Variants in PASD1 observed in about 807,000 individuals in gnomAD.
PASD1 encodes the protein circadian clock protein PASD1.
A neutral mutation model predicts 58.8 loss-of-function variants in PASD1; 13 were observed. The observed-to-expected ratio is 0.22, with a 90% CI of 0.14 to 0.35. The LOEUF is 0.35. Among genes scored for constraint, PASD1 ranks in the 10% least tolerant of loss-of-function variants. The pLI is 1.00. For synonymous variants in PASD1, 236 were observed against 216.7 expected (o/e 1.09, Z -0.78); for missense variants, 734 against 568.3 (o/e 1.29, Z -2.96).
chrX:151,673,943 G>C lies in PASD1; in HGVS notation c.1932G>C (p.Ala644=), dbSNP rs755035565. 1.2e-5 allele frequency: 14 copies of C among 1,209,512 alleles called. No homozygotes were observed. The highest frequency in any genetic ancestry group is 1.6e-5 in the Non-Finnish European group (14 of 894,786). ...TCTCTTACAGTTTTTATCCTGAGGC[G>C]TATCAAGGGCCCCCCGTGAACCAGC... ...EDESQSFYPE[A]YQGPPVNQLP... is the part of the protein sequence containing the mutation. Residue 644 remains alanine (A), a synonymous_variant, in exon 15 of 16, where the codon GCG becomes GCC. Coordinates refer to ENST00000370357, the MANE Select transcript of PASD1 (RefSeq NM_173493.3).
chrX:151,577,546 A>G (rs2013024993), intron 1 of PASD1, among the ~76,000 whole-genome samples: 1 of 111,457 alleles, frequency 9.0e-6, no homozygotes, highest in Non-Finnish European at 1.9e-5. Flanking sequence ...TATTTATGAG[A>G]TGAAGTCTTG....
At chrX:151,585,498 G>A (rs749209143) in intron 1 of PASD1, among the ~76,000 whole-genome samples, 5 of 111,083 alleles carry the variant, frequency 4.5e-5, no homozygotes, top group Non-Finnish European at 9.4e-5. Context: ...GACTAGAGGG[G>A]GCAAAAATGG....
chrX:151,666,400 A>G (rs1185173275), intron 11 of PASD1, among the ~76,000 whole-genome samples: 1 of 105,375 alleles, frequency 9.5e-6, no homozygotes, highest in South Asian at 4.3e-4. Flanking sequence ...TTTTTTAATT[A>G]TACTTTAAGA....
chrX:151,625,599 G>A (rs1232528256), intron 8 of PASD1, 69 bp downstream of exon 8: 1 of 796,460 alleles, frequency 1.3e-6, no homozygotes, highest in African/African-American at 2.2e-5. Flanking sequence ...ACTAAAACAA[G>A]AGAAATAACA....
chrX:151,618,125 A>G (rs1309445897), intron 4 of PASD1, among the ~76,000 whole-genome samples: 1 of 112,099 alleles, frequency 8.9e-6, no homozygotes, highest in Non-Finnish European at 1.9e-5. Flanking sequence ...CACTGTCAAG[A>G]TGTATTGCCT....
intron 10 of PASD1, 131 bp downstream of exon 10, chrX:151,659,967 T>A (rs186522640): frequency 2.0e-5 from 11 of 555,228 alleles, no homozygotes; most frequent in Non-Finnish European, 2.6e-5. Flanking sequence ...CCAACTTTCT[T>A]CATCTTCTGT....
chrX:151,664,667 G>A lies in PASD1; in HGVS notation c.1071+319G>A, dbSNP rs74595778. ...GAAGCTTAGCTGCTAAGAAAAGGTG[G>A]TATTTTTAAGAGCCCTGCTTTTAAT... On this transcript the variant is annotated intron_variant, in intron 11 of 15. Coordinates refer to ENST00000370357, the MANE Select transcript of PASD1 (RefSeq NM_173493.3). 1.5e-4 allele frequency among the ~76,000 whole-genome samples: 17 copies of A among 111,602 alleles called. No homozygotes were observed. The East Asian group carries it at 4.5e-3, about 30-fold the overall frequency.
chrX:151,642,140 C>T (rs1225097731), intron 8 of PASD1, among the ~76,000 whole-genome samples: 4 of 112,021 alleles, frequency 3.6e-5, no homozygotes, highest in Non-Finnish European at 7.5e-5. Flanking sequence ...AGCAGGAAGG[C>T]ATGATCTTGA....
intron 8 of PASD1, among the ~76,000 whole-genome samples, chrX:151,633,371 G>T (rs2013892368): frequency 9.0e-6 from 1 of 111,674 alleles, no homozygotes; most frequent in Non-Finnish European, 1.9e-5. Flanking sequence ...AAGGAAAGGA[G>T]TTGGGGCTTT....
intron 3 of PASD1, among the ~76,000 whole-genome samples, chrX:151,605,532 TCTGA>T (rs1369363108): frequency 2.7e-5 from 3 of 111,076 alleles, no homozygotes; most frequent in African/African-American, 9.8e-5. Flanking sequence ...GGGGCAAAAT[TCTGA>T]CTGTGAATGA....
intron 8 of PASD1, among the ~76,000 whole-genome samples, chrX:151,631,217 G>C (rs2124280433): frequency 9.0e-6 from 1 of 111,711 alleles, no homozygotes; most frequent in Admixed American, 9.5e-5. Flanking sequence ...CTATAAGGTA[G>C]ATTTTAGACT....
intron 9 of PASD1, among the ~76,000 whole-genome samples, chrX:151,653,257 G>A (rs1257187103): frequency 4.7e-5 from 5 of 107,176 alleles, no homozygotes; most frequent in South Asian, 8.5e-4. Flanking sequence ...CAGTGGTGCC[G>A]TCTCGGCTCA....
chrX:151,633,766 CA>C (rs1053618153), intron 8 of PASD1, among the ~76,000 whole-genome samples: 4 of 111,786 alleles, frequency 3.6e-5, no homozygotes, highest in African/African-American at 9.7e-5. Flanking sequence ...ATTGAAGCAG[CA>C]CTGAAATTAC....
chrX:151,619,049 G>T (rs2124268713), intron 4 of PASD1, among the ~76,000 whole-genome samples: 1 of 111,498 alleles, frequency 9.0e-6, no homozygotes, highest in South Asian at 3.8e-4. Context: ...TGGAGTGGTG[G>T]CAGGGGCATG....
intron 11 of PASD1, among the ~76,000 whole-genome samples, chrX:151,667,171 C>A (rs1448777151): frequency 8.9e-6 from 1 of 112,293 alleles, no homozygotes; most frequent in Non-Finnish European, 1.9e-5. Context: ...CTTTTGGCTG[C>A]ATAAATGTCT....
chrX:151,613,480 C>A (rs1044379323), intron 4 of PASD1, among the ~76,000 whole-genome samples: 33 of 108,602 alleles, frequency 3.0e-4, no homozygotes, highest in African/African-American at 1.1e-3. Flanking sequence ...TGTTTGTATC[C>A]TCTTTTATTT....
chrX:151,643,555 T>C (rs1225127197), intron 8 of PASD1, among the ~76,000 whole-genome samples: 1 of 111,572 alleles, frequency 9.0e-6, no homozygotes, highest in African/African-American at 3.3e-5. Flanking sequence ...CCCATAAATA[T>C]ATACACCTAC....
At chrX:151,629,965 C>T (rs929220164) in intron 8 of PASD1, among the ~76,000 whole-genome samples, 2 of 111,322 alleles carry the variant, frequency 1.8e-5, no homozygotes, top group African/African-American at 3.3e-5. Context: ...ACATCTATGC[C>T]GTAATCTTCA....
intron 14 of PASD1, chrX:151,672,973 G>A: frequency 3.9e-6 from 1 of 259,147 alleles, no homozygotes; most frequent in Non-Finnish European, 6.8e-6. Context: ...CCCAAGCCCA[G>A]TCTCTTGCAC....
Sources: gnomAD v4.1 joint callset for allele counts (sites outside exome capture counted in the v4.1 genomes callset) on GRCh38, gnomAD v4.1.1 for gene constraint, MANE v1.5 for transcripts, NCBI Gene and HGNC (gene_info 2026-07-23, HGNC 2026-07-21) for gene names.